Variants in AFAP1L2 observed in about 807,000 individuals in gnomAD.
AFAP1L2 encodes actin filament associated protein 1 like 2, also known as actin filament-associated protein 1-like 2.
A neutral mutation model predicts 99.3 loss-of-function variants in AFAP1L2; 46 were observed. The ratio of observed to expected loss-of-function variants is 0.46; its 90% CI spans 0.37 to 0.59. The LOEUF (loss-of-function observed/expected upper bound fraction) is 0.59, where lower values mean the gene tolerates loss of function less well. Among genes scored for constraint, AFAP1L2 ranks in the 20% least tolerant of loss-of-function variants. The pLI is 0.00. For synonymous variants in AFAP1L2, 397 were observed against 419.1 expected (o/e 0.95, Z 0.64); for missense variants, 959 against 1,034.9 (o/e 0.93, Z 1.01).
At chr10:114,290,105 C>A, downstream of AFAP1L2, 1 of 1,235,382 alleles carries the variant, frequency 8.1e-7, no homozygotes, top group Non-Finnish European at 1.1e-6. Flanking sequence ...TATGCAGCAC[C>A]AACCATGAGC....
At chr10:114,394,343 C>T (rs991957368) in intron 1 of AFAP1L2, among the ~76,000 whole-genome samples, 2 of 152,190 alleles carry the variant, frequency 1.3e-5, no homozygotes, top group Non-Finnish European at 2.9e-5. Context: ...AGTTTCCCCA[C>T]CCTGACTCTG....
At chr10:114,395,826 C>G (rs2057646817) in intron 1 of AFAP1L2, among the ~76,000 whole-genome samples, 1 of 152,208 alleles carries the variant, frequency 6.6e-6, no homozygotes, top group African/African-American at 2.4e-5. Flanking sequence ...GCACTCAAAC[C>G]AGACGCGGGC....
At chr10:114,281,494 G>A in the AFAP1L2 span, among the ~76,000 whole-genome samples, 1 of 152,186 alleles carries the variant, frequency 6.6e-6, no homozygotes, top group Non-Finnish European at 1.5e-5. Context: ...AACATGGAGG[G>A]AACCATCTCT....
chr10:114,343,935 A>C (rs1052411286), intron 1 of AFAP1L2, among the ~76,000 whole-genome samples: 2 of 152,234 alleles, frequency 1.3e-5, no homozygotes, highest in African/African-American at 4.8e-5. Context: ...GAACCAGAGA[A>C]GAACGGGAGA....
intron 2 of AFAP1L2, among the ~76,000 whole-genome samples, chr10:114,333,930 C>T (rs1024988782): frequency 6.6e-6 from 1 of 152,214 alleles, no homozygotes; most frequent in African/African-American, 2.4e-5. Flanking sequence ...TATTTCCTGT[C>T]ATTCTCACCC....
chr10:114,380,741 A>G (rs1054017568), intron 1 of AFAP1L2, among the ~76,000 whole-genome samples: 2 of 152,260 alleles, frequency 1.3e-5, no homozygotes, highest in Admixed American at 1.3e-4. Flanking sequence ...CAACAAAGAC[A>G]TTGAGAAGAC....
At chr10:114,308,390 C>T (rs746850778) in intron 9 of AFAP1L2, 43 bp downstream of exon 9, 25 of 1,565,916 alleles carry the variant, frequency 1.6e-5, no homozygotes, top group Admixed American at 6.7e-5. Context: ...AGCCCAGCCT[C>T]ACAGCCTGGG....
chr10:114,302,573 C>G, intron 11 of AFAP1L2, 89 bp from the exon 12 acceptor site: 3 of 1,529,926 alleles, frequency 2.0e-6, no homozygotes, highest in Non-Finnish European at 2.7e-6. Context: ...CGTACCCCTA[C>G]CCCTGAGCCT....
At chr10:114,323,055 T>TA (rs2045628123) in intron 5 of AFAP1L2, 116 bp downstream of exon 5, 3 of 911,286 alleles carry the variant, frequency 3.3e-6, no homozygotes. Flanking sequence ...CAGCCCAGAC[T>TA]ACCCTCTGTC....
chr10:114,398,779 C>A, intron 1 of AFAP1L2: 1 of 1,267,880 alleles, frequency 7.9e-7, no homozygotes, highest in East Asian at 5.6e-5. Flanking sequence ...TGGGCAGAGC[C>A]AGGTCTGCAC....
At chr10:114,349,596 G>A (rs985331968) in intron 1 of AFAP1L2, among the ~76,000 whole-genome samples, 4 of 151,220 alleles carry the variant, frequency 2.6e-5, no homozygotes, top group Non-Finnish European at 5.9e-5. Context: ...GAAGGCAAGG[G>A]TCAAGATGTC....
intron 2 of AFAP1L2, among the ~76,000 whole-genome samples, chr10:114,333,584 G>A (rs536223753): frequency 1.3e-5 from 2 of 152,264 alleles, no homozygotes; most frequent in East Asian, 3.9e-4. Flanking sequence ...TTGGGAGGCC[G>A]AGGCAGGCGG....
At chr10:114,328,421 G>T (rs1204767059) in intron 4 of AFAP1L2, among the ~76,000 whole-genome samples, 2 of 152,212 alleles carry the variant, frequency 1.3e-5, no homozygotes, top group Non-Finnish European at 2.9e-5. Flanking sequence ...CAGCCCTCAG[G>T]TGGACAAACC....
At chr10:114,386,316 G>A (rs866663670) in intron 1 of AFAP1L2, among the ~76,000 whole-genome samples, 6 of 152,200 alleles carry the variant, frequency 3.9e-5, no homozygotes, top group Middle Eastern at 3.4e-3. Flanking sequence ...TGGGAGGATC[G>A]CTTGAGCCCA....
chr10:114,363,746 C>G (rs532870616), intron 1 of AFAP1L2, among the ~76,000 whole-genome samples: 10 of 152,348 alleles, frequency 6.6e-5, no homozygotes, highest in African/African-American at 2.4e-4. Flanking sequence ...CTCCAACATT[C>G]AGCCGGTTCT....
intron 1 of AFAP1L2, among the ~76,000 whole-genome samples, chr10:114,390,720 CAAAAA>C (rs59448495): frequency 3.5e-4 from 31 of 89,800 alleles, no homozygotes; most frequent in South Asian, 2.1e-3. Context: ...GACTCTGTCT[CAAAAA>C]AAAAAAAAAA....
chr10:114,296,171 A>C, intron 18 of AFAP1L2, 103 bp from the exon 19 acceptor site: 1 of 1,489,420 alleles, frequency 6.7e-7, no homozygotes, highest in Non-Finnish European at 9.4e-7. Context: ...GAGAAAAACT[A>C]TTTTAGGCAC....
chr10:114,327,175 T>TATCTATATATATATATATATATATATATA (rs1564880771), intron 4 of AFAP1L2, among the ~76,000 whole-genome samples: 1 of 55,626 alleles, frequency 1.8e-5, no homozygotes, highest in Non-Finnish European at 5.3e-5. Context: ...ATATATATAT[T>TATCTATATATATATATATATATATATATA]TTTTTTTTAG....
intron 1 of AFAP1L2, among the ~76,000 whole-genome samples, chr10:114,366,182 T>G (rs931811460): frequency 1.3e-5 from 2 of 152,160 alleles, no homozygotes; most frequent in African/African-American, 4.8e-5. Flanking sequence ...GTGCCCTTCT[T>G]CCCAGTAACA....
Sources: gnomAD v4.1 joint callset for allele counts (sites outside exome capture counted in the v4.1 genomes callset) on GRCh38, gnomAD v4.1.1 for gene constraint, MANE v1.5 for transcripts, NCBI Gene and HGNC (gene_info 2026-07-23, HGNC 2026-07-21) for gene names.